Variants in KAT14 observed in about 807,000 individuals in gnomAD.
KAT14 encodes cysteine-rich protein 2-binding protein.
Under a neutral mutation model 78.4 loss-of-function variants are expected in KAT14, and 66 were observed. That is an observed-to-expected ratio of 0.84 (90% CI 0.69 to 1.03). The LOEUF (loss-of-function observed/expected upper bound fraction) is 1.03, where lower values mean the gene tolerates loss of function less well. Ranked by LOEUF, KAT14 falls within the 50% of genes least tolerant of loss-of-function variation. The pLI is 0.00. For missense variants in KAT14, 870 were observed against 972.5 expected (o/e 0.89, Z 1.40); for synonymous variants, 344 against 359.4 (o/e 0.96, Z 0.48).
chr20:18,145,299 G>A lies in KAT14; in HGVS notation c.326G>A (p.Cys109Tyr), dbSNP rs1428070257. ...TTTTTTAGGTTTACTTGTTCGGATT[G>A]CTCAGCAGATGGCAAGGAGCAGTAT... ...DNFFRFTCSD[C>Y]SADGKEQYER... The change falls in exon 3 of 11, where the codon TGC becomes TAC. Residue 109 changes from cysteine (C) to tyrosine (Y), a missense_variant. By Grantham distance (194) the Cys-to-Tyr change is radical. Coordinates refer to ENST00000688188, the MANE Select transcript of KAT14 (RefSeq NM_001392073.1). 1 of 1,614,158 alleles carries A rather than the reference G, an allele frequency of 6.2e-7. No individual in the cohort carries two copies. Among genetic ancestry groups the A allele is most frequent in the Non-Finnish European group, 8.5e-7 (1 of 1,180,030 alleles).
At chr20:18,180,475 C>T (rs566496085) in intron 7 of KAT14, among the ~76,000 whole-genome samples, 1 of 152,356 alleles carries the variant, frequency 6.6e-6, no homozygotes, top group East Asian at 1.9e-4. Flanking sequence ...GCCCTCCAAA[C>T]TGTTTCAGCC....
intron 2 of KAT14, among the ~76,000 whole-genome samples, chr20:18,144,242 G>GTT (rs1003086714): frequency 4.6e-5 from 7 of 152,152 alleles, no homozygotes; most frequent in Non-Finnish European, 8.8e-5. Flanking sequence ...TAGTTAGCTG[G>GTT]TTTTTGCTTC....
At position 18,184,697 on chromosome 20, in the gene KAT14, G is replaced by A; in HGVS notation, c.2077G>A (p.Val693Met). 3 of 1,613,820 alleles carry A rather than the reference G, an allele frequency of 1.9e-6. No individual in the cohort carries two copies. The highest frequency in any genetic ancestry group is 1.1e-5 in the South Asian group (1 of 91,030). The change falls in exon 10 of 11, where the codon GTG becomes ATG. Residue 693 changes from valine (V) to methionine (M), a missense_variant. Val to Met is a conservative substitution (Grantham distance 21, BLOSUM62 1). Coordinates refer to ENST00000688188, the MANE Select transcript of KAT14 (RefSeq NM_001392073.1). ...TGCCTTTGGCTTCATGGTTCCTGAT[G>A]TGAAATACAATGAAGCTTACATTTC... ...IIAFGFMVPD[V>M]KYNEAYISFL...
intron 1 of KAT14, among the ~76,000 whole-genome samples, chr20:18,141,879 CTT>C (rs1432771207): frequency 6.6e-6 from 1 of 151,928 alleles, no homozygotes; most frequent in Non-Finnish European, 1.5e-5. Flanking sequence ...GAGCGAGACT[CTT>C]GTCTCAAAAA....
At chr20:18,161,099 G>A (rs769304252) in intron 5 of KAT14, among the ~76,000 whole-genome samples, 10 of 149,794 alleles carry the variant, frequency 6.7e-5, no homozygotes, top group Non-Finnish European at 1.3e-4. Flanking sequence ...GCTTGAACCC[G>A]GGAGGCGGAG....
In KAT14 at chr20:18,142,199, C is replaced by T. The variant is rs749629494; in HGVS notation, c.-453-9C>T. ...GGATGTTACTGAAATCTGTTTCTTA[C>T]GTTTTTAGAGGCTTCGTGACGGAGT... On this transcript the variant is annotated splice_polypyrimidine_tract_variant and intron_variant, in intron 1 of 10. Transcript: ENST00000688188. The T allele has an allele frequency of 1.7e-4, 256 of 1,535,562 alleles. 5 individuals are homozygous for T. The highest frequency in any genetic ancestry group is 1.1e-3 in the South Asian group (93 of 83,842).
At chr20:18,181,066 G>A (rs2039229272) in intron 7 of KAT14, among the ~76,000 whole-genome samples, 1 of 152,134 alleles carries the variant, frequency 6.6e-6, no homozygotes, top group African/African-American at 2.4e-5. Context: ...TGGGTTGAAG[G>A]CATAATATAG....
chr20:18,185,559 G>A (rs1042889923), intron 10 of KAT14, among the ~76,000 whole-genome samples: 3 of 152,152 alleles, frequency 2.0e-5, no homozygotes, highest in Admixed American at 1.3e-4. Flanking sequence ...AGGCTGATAT[G>A]AACCTTCTAA....
chr20:18,175,609 T>C (rs985685285), intron 7 of KAT14, among the ~76,000 whole-genome samples: 2 of 152,112 alleles, frequency 1.3e-5, no homozygotes, highest in African/African-American at 2.4e-5. Flanking sequence ...TAGCTCTCCA[T>C]TGTGTTTAGA....
At chr20:18,179,860 A>T (rs1398358038) in intron 7 of KAT14, among the ~76,000 whole-genome samples, 1 of 151,888 alleles carries the variant, frequency 6.6e-6, no homozygotes. Flanking sequence ...ATAGCACCCA[A>T]GTCACTTTTG....
intron 7 of KAT14, among the ~76,000 whole-genome samples, chr20:18,170,114 G>T (rs2038794067): frequency 6.6e-6 from 1 of 152,242 alleles, no homozygotes; most frequent in Non-Finnish European, 1.5e-5. Flanking sequence ...ACACAAAAGA[G>T]TGCAAGTTAA....
chr20:18,181,556 A>C (rs2039252261), intron 7 of KAT14, among the ~76,000 whole-genome samples, 154 bp from the exon 8 acceptor site: 1 of 151,952 alleles, frequency 6.6e-6, no homozygotes, highest in African/African-American at 2.4e-5. Flanking sequence ...TTTTTAGTAG[A>C]GACAGGGTTT....
At position 18,162,268 on chromosome 20, in the gene KAT14, T is replaced by G. The variant is rs755720117; in HGVS notation, c.1099+29T>G. 3.0e-5 allele frequency: 49 copies of G among 1,613,022 alleles called. No homozygotes were observed. Among genetic ancestry groups the G allele is most frequent in the Non-Finnish European group, 3.4e-5 (40 of 1,179,386 alleles). On this transcript the variant is annotated intron_variant, in intron 6 of 10. Transcript: ENST00000688188. ...AGAGTTTGTTTGCTTTGCTCTTTTA[T>G]TTTGGGTATGGGCCATGGTATAAAT...
At position 18,142,235 on chromosome 20, in the gene KAT14, A is replaced by G. The variant is rs1261717503; in HGVS notation, c.-426A>G. The G allele has an allele frequency of 5.9e-6, 9 of 1,537,134 alleles. No homozygotes were observed. The highest frequency in any genetic ancestry group is 1.4e-5 in the African/African-American group (1 of 73,056). Reference sequence around the variant, plus strand: ...GCTTCGTGACGGAGTTATCAGAGACATTGAGAGGCAAATTCGGAAAAAAGA... The same window carrying G: ...GCTTCGTGACGGAGTTATCAGAGACGTTGAGAGGCAAATTCGGAAAAAAGA... On this transcript the variant is annotated 5_prime_UTR_variant, in exon 2 of 11. Transcript: ENST00000688188.
At chr20:18,147,882 G>A (rs562569559) in intron 3 of KAT14, among the ~76,000 whole-genome samples, 3 of 152,246 alleles carry the variant, frequency 2.0e-5, no homozygotes, top group South Asian at 2.1e-4. Flanking sequence ...CACCGTGCCC[G>A]GCCACTTTGC....
intron 1 of KAT14, 73 bp downstream of exon 1, chr20:18,138,124 C>T (rs2146310269): frequency 2.9e-6 from 4 of 1,388,654 alleles, no homozygotes; most frequent in East Asian, 3.1e-5. Context: ...TGGTCTCTGC[C>T]CGCTCGGTTC....
rs373994288 is a variant in KAT14 at position 18,162,951 on chromosome 20, T to C, written c.1668+6T>C. ...GAATCCTTGACCGATACCAGGTGAATGCAAGCACTTGCTGTAAAGCCCTTG... is the reference window on the plus strand; with the variant it reads ...GAATCCTTGACCGATACCAGGTGAACGCAAGCACTTGCTGTAAAGCCCTTG... On this transcript the variant is annotated splice_donor_region_variant and intron_variant, in intron 7 of 10. Transcript: ENST00000688188. 1.3e-5 allele frequency: 21 copies of C among 1,612,268 alleles called. No homozygotes were observed. In the East Asian group the frequency reaches 3.6e-4, roughly 27 times the overall value.
Position 18,162,691 on chromosome 20 carries a change from A to C in KAT14, c.1414A>C (p.Lys472Gln), listed in dbSNP as rs762427924. The change falls in exon 7 of 11, where the codon AAG becomes CAG. Residue 472 changes from lysine to glutamine, a missense_variant. Lys to Gln is a moderately conservative substitution (Grantham distance 53, BLOSUM62 1). Transcript: ENST00000688188. ...CATCTACGAGGAAAAGCTGCTGCTC[A>C]AGAGGCTGGAAGCTTGTCCCGGTGC... ...VSIYEEKLLL[K>Q]RLEACPGAVA... 6.2e-7 allele frequency: 1 copy of C among 1,614,234 alleles called. No individual in the cohort carries two copies. The highest frequency in any genetic ancestry group is 8.5e-7 in the Non-Finnish European group (1 of 1,180,038).
intron 7 of KAT14, among the ~76,000 whole-genome samples, chr20:18,178,636 C>T (rs1216460851): frequency 6.6e-6 from 1 of 152,102 alleles, no homozygotes; most frequent in African/African-American, 2.4e-5. Flanking sequence ...ATGGTGGAAA[C>T]CGCCCCCGTG....
Sources: gnomAD v4.1 joint callset for allele counts (sites outside exome capture counted in the v4.1 genomes callset) on GRCh38, gnomAD v4.1.1 for gene constraint, MANE v1.5 for transcripts, NCBI Gene and HGNC (gene_info 2026-07-23, HGNC 2026-07-21) for gene names.